CUX1: variants seen among roughly 807,000 people sequenced by gnomAD.
CUX1 encodes protein CASP.
CUX1 carries 31 observed loss-of-function variants against 158.8 expected under a neutral mutation model. The ratio of observed to expected loss-of-function variants is 0.20; its 90% CI spans 0.15 to 0.26. CUX1 has a LOEUF of 0.26. Among genes scored for constraint, CUX1 ranks in the 10% least tolerant of loss-of-function variants. CUX1 has a pLI of 1.00. For missense variants in CUX1, 1,589 were observed against 2,014.6 expected, an observed-to-expected ratio of 0.79 and a Z score of 4.04; for synonymous variants, 879 against 862.1, an observed-to-expected ratio of 1.02 and a Z score of -0.34.
chr7:102,076,421 G>T (rs1256039322), intron 4 of CUX1, among the ~76,000 whole-genome samples: 2 of 151,832 alleles, frequency 1.3e-5, no homozygotes, highest in Non-Finnish European at 2.9e-5. Context: ...CACCAAATAA[G>T]CATTTAGCAA....
At chr7:101,914,791 G>C (rs1034196675) in intron 1 of CUX1, among the ~76,000 whole-genome samples, 1 of 152,008 alleles carries the variant, frequency 6.6e-6, no homozygotes, top group Admixed American at 6.6e-5. Flanking sequence ...GAGCCACCTC[G>C]CCCGGCCTGT....
At chr7:101,910,171 G>C (rs1803256515) in intron 1 of CUX1, among the ~76,000 whole-genome samples, 1 of 152,022 alleles carries the variant, frequency 6.6e-6, no homozygotes, top group Non-Finnish European at 1.5e-5. Context: ...TTTTGAGACA[G>C]GGTCTCCCTC....
intron 3 of CUX1, among the ~76,000 whole-genome samples, chr7:102,061,721 C>G (rs1458464813): frequency 6.6e-6 from 1 of 152,174 alleles, no homozygotes; most frequent in African/African-American, 2.4e-5. Context: ...GAGAGATGAG[C>G]CTTTTTTATT....
At chr7:102,214,662 G>A (rs943028461) in intron 20 of CUX1, among the ~76,000 whole-genome samples, 3 of 152,302 alleles carry the variant, frequency 2.0e-5, no homozygotes, top group South Asian at 4.1e-4. Flanking sequence ...ACGGCCCCCC[G>A]GAGCCATGCC....
intron 20 of CUX1, among the ~76,000 whole-genome samples, chr7:102,222,450 T>A (rs1044785572): frequency 2.0e-5 from 3 of 152,050 alleles, no homozygotes; most frequent in African/African-American, 4.8e-5. Context: ...TGAGCCTCTG[T>A]TTTCTCACCT....
intron 1 of CUX1, among the ~76,000 whole-genome samples, chr7:101,852,428 G>A (rs778817256): frequency 2.6e-5 from 4 of 151,592 alleles, no homozygotes; most frequent in Non-Finnish European, 5.9e-5. Flanking sequence ...GACCAACCTG[G>A]GCAACATGGC....
At chr7:102,220,399 G>A (rs1554526507) in intron 20 of CUX1, among the ~76,000 whole-genome samples, 2 of 152,218 alleles carry the variant, frequency 1.3e-5, no homozygotes, top group African/African-American at 4.8e-5. Context: ...GAGCATTGCT[G>A]TTCCCCTTTG....
intron 1 of CUX1, among the ~76,000 whole-genome samples, chr7:101,892,219 A>G (rs1800950191): frequency 6.6e-6 from 1 of 152,238 alleles, no homozygotes; most frequent in Non-Finnish European, 1.5e-5. Flanking sequence ...GATTCTTTCA[A>G]TGCTAGGTTT....
At chr7:102,000,216 CAAAAAAAAAAAGAGAGA>C in intron 2 of CUX1, among the ~76,000 whole-genome samples, 1 of 146,414 alleles carries the variant, frequency 6.8e-6, no homozygotes, top group East Asian at 2.0e-4. Flanking sequence ...AACTCTATCT[CAAAAAAAAAAAGAGAGA>C]GAGAGAGAGA....
chr7:101,938,168 A>G (rs1003157805), intron 2 of CUX1, among the ~76,000 whole-genome samples: 3 of 150,592 alleles, frequency 2.0e-5, no homozygotes, highest in Non-Finnish European at 2.9e-5. Flanking sequence ...GCTGGAATGC[A>G]GTGACGTGAT....
At chr7:102,240,705 C>T (rs1554534615) in intron 23 of CUX1, among the ~76,000 whole-genome samples, 1 of 152,204 alleles carries the variant, frequency 6.6e-6, no homozygotes, top group African/African-American at 2.4e-5. Context: ...TTAATGAAGA[C>T]AGATTGAGCA....
intron 1 of CUX1, among the ~76,000 whole-genome samples, chr7:101,898,366 G>A (rs1048250340): frequency 2.6e-5 from 4 of 152,160 alleles, no homozygotes; most frequent in Non-Finnish European, 5.9e-5. Context: ...GCAGCTCACT[G>A]GCTCTGGGCT....
intron 1 of CUX1, among the ~76,000 whole-genome samples, chr7:101,903,010 T>C (rs1165613278): frequency 6.6e-6 from 1 of 152,188 alleles, no homozygotes; most frequent in African/African-American, 2.4e-5. Flanking sequence ...ATAGAAGGCA[T>C]GAAGTCAAGG....
At chr7:102,258,630 AGT>A (rs1404956061), downstream of CUX1, among the ~76,000 whole-genome samples, 1 of 152,188 alleles carries the variant, frequency 6.6e-6, no homozygotes, top group Non-Finnish European at 1.5e-5. Context: ...AATGGTGGCC[AGT>A]GCTGGTGCGG....
At chr7:102,044,182 C>A (rs994984597) in intron 3 of CUX1, among the ~76,000 whole-genome samples, 2 of 148,390 alleles carry the variant, frequency 1.3e-5, no homozygotes, top group Non-Finnish European at 3.0e-5. Context: ...GCCCATTTTC[C>A]GTTTTTTTGT....
chr7:102,202,253 C>T, intron 18 of CUX1, 49 bp downstream of exon 18: 1 of 1,544,850 alleles, frequency 6.5e-7, no homozygotes, highest in Non-Finnish European at 8.7e-7. Flanking sequence ...CTTCTCCTTG[C>T]TGAGGACCAA....
intron 1 of CUX1, among the ~76,000 whole-genome samples, chr7:101,880,022 G>T (rs1416036560): frequency 2.6e-5 from 4 of 152,156 alleles, no homozygotes; most frequent in Non-Finnish European, 4.4e-5. Context: ...GGCGTTTTTG[G>T]ATCGCAGCAT....
chr7:102,020,751 GCGCCTGTA>G (rs1039113653), intron 2 of CUX1, among the ~76,000 whole-genome samples: 5 of 152,034 alleles, frequency 3.3e-5, no homozygotes, highest in African/African-American at 1.2e-4. Context: ...ATGGTGGCGG[GCGCCTGTA>G]ATCCCAGCTA....
intron 1 of CUX1, among the ~76,000 whole-genome samples, chr7:101,908,350 T>G (rs573630310): frequency 4.6e-5 from 7 of 152,268 alleles, no homozygotes; most frequent in Non-Finnish European, 5.9e-5. Flanking sequence ...TTCGCCATAT[T>G]GGCCAGGCTG....
Sources: allele counts gnomAD v4.1 joint callset (sites outside exome capture counted in the v4.1 genomes callset), GRCh38; gene constraint gnomAD v4.1.1; transcripts MANE v1.5; gene names NCBI Gene and HGNC (gene_info 2026-07-23, HGNC 2026-07-21).